The following NAA11 variants were observed in gnomAD, a reference collection of about 807,000 sequenced individuals.
NAA11 encodes N-alpha-acetyltransferase 11, NatA catalytic subunit, also known as N-alpha-acetyltransferase 11.
NAA11 carries 15 observed loss-of-function variants against 16.1 expected under a neutral mutation model. That is an observed-to-expected ratio of 0.93 (90% CI 0.62 to 1.44). NAA11 has a LOEUF of 1.44. Ranked by LOEUF, NAA11 falls within the 40% of genes most tolerant of loss-of-function variation. The pLI is 0.00. For synonymous variants in NAA11, 122 were observed against 112.4 expected (o/e 1.09, Z -0.54); for missense variants, 298 against 291.3 (o/e 1.02, Z -0.17).
At chr4:79,256,651 A>ATATATAAATATATATATATATATAT (rs1722113513) in intron 2 of NAA11, among the ~76,000 whole-genome samples, 3 of 130,746 alleles carry the variant, frequency 2.3e-5, no homozygotes, top group African/African-American at 9.2e-5. Flanking sequence ...TATAAATATA[A>ATATATAAATATATATATATATATAT]ATATATATAT....
chr4:79,156,327 G>GTA, the NAA11 span, among the ~76,000 whole-genome samples: 10,409 of 60,178 alleles, frequency 0.17, 1,210 homozygotes, highest in African/African-American at 0.37. Context: ...GTGTGTGTGT[G>GTA]TGTATATATA....
the NAA11 span, among the ~76,000 whole-genome samples, chr4:79,160,547 A>G: frequency 1.3e-5 from 2 of 152,330 alleles, no homozygotes; most frequent in African/African-American, 4.8e-5. Context: ...TATTACAGCA[A>G]TGACTGTAGA....
rs138109881 is a variant in NAA11 at position 79,264,693 on chromosome 4, T to G, written c.*122+29312A>C. 8.8e-3 allele frequency among the ~76,000 whole-genome samples: 1,343 copies of G among 152,298 alleles called. 12 individuals are homozygous for G. Among genetic ancestry groups the G allele is most frequent in the Middle Eastern group, 0.037 (11 of 294 alleles). ...ACACTGCCTGTGTTTGCTGGGGCAG[T>G]GCTCTTTTTTTGTTTTCCTTGCCAC... is the stretch of plus-strand genomic sequence containing the variant. On this transcript the variant is annotated intron_variant and NMD_transcript_variant, in intron 2 of 2. Transcript: ENST00000511542.
chr4:79,198,532 G>T, the NAA11 span, among the ~76,000 whole-genome samples: 1 of 151,828 alleles, frequency 6.6e-6, no homozygotes, highest in Non-Finnish European at 1.5e-5. Flanking sequence ...GTGTTTTGGT[G>T]TTTTCTGAGG....
the NAA11 span, among the ~76,000 whole-genome samples, chr4:79,179,898 G>A: frequency 8.5e-5 from 13 of 152,272 alleles, no homozygotes; most frequent in Admixed American, 2.6e-4. Flanking sequence ...CAATCATAGC[G>A]GAAGGCACAG....
intron 1 of NAA11, among the ~76,000 whole-genome samples, chr4:79,303,444 C>A (rs1443276434): frequency 6.6e-6 from 1 of 151,992 alleles, no homozygotes; most frequent in Non-Finnish European, 1.5e-5. Context: ...CGCATCATTA[C>A]ACCCGCTCTT....
chr4:79,305,254 T>A (rs993647347), intron 1 of NAA11: 1 of 152,218 alleles, frequency 6.6e-6, no homozygotes, highest in Non-Finnish European at 1.5e-5. Context: ...AAAGTGGTGA[T>A]TAATAACTAA....
chr4:79,265,823 C>T (rs1357383219), intron 2 of NAA11, among the ~76,000 whole-genome samples: 3 of 151,992 alleles, frequency 2.0e-5, no homozygotes, highest in African/African-American at 7.3e-5. Flanking sequence ...TGCTTTGCTG[C>T]CCAGGCTGGT....
chr4:79,290,960 A>G (rs1272119981), intron 2 of NAA11, among the ~76,000 whole-genome samples: 1 of 152,208 alleles, frequency 6.6e-6, no homozygotes, highest in Non-Finnish European at 1.5e-5. Context: ...TGGAAGTACA[A>G]GAATACTGAC....
Position 79,300,968 on chromosome 4 carries a change from T to C in NAA11, c.*13-6854A>G, listed in dbSNP as rs144947176. ...CATGACTTTGCAGTAAGAATGTCCT[T>C]ATATTACAGTGGTTAAGCATGTGAG... is the stretch of plus-strand genomic sequence containing the variant. On this transcript the variant is annotated intron_variant and NMD_transcript_variant, in intron 1 of 2. Transcript: ENST00000511542. Among the ~76,000 whole-genome samples, 353 of 152,310 alleles carry C rather than the reference T, an allele frequency of 2.3e-3. 1 individual carries two copies. Among genetic ancestry groups the C allele is most frequent in the African/African-American group, 7.7e-3 (321 of 41,568 alleles).
chr4:79,313,586 AAG>A (rs759384948), downstream of NAA11, among the ~76,000 whole-genome samples: 3 of 152,280 alleles, frequency 2.0e-5, no homozygotes, highest in East Asian at 3.9e-4. Flanking sequence ...TTAAAATGAA[AAG>A]AGTTTTTTTC....
the NAA11 span, among the ~76,000 whole-genome samples, chr4:79,175,204 G>C: frequency 6.6e-6 from 1 of 152,146 alleles, no homozygotes; most frequent in Non-Finnish European, 1.5e-5. Flanking sequence ...CATGGTCATT[G>C]TAAGTACCTT....
the NAA11 span, among the ~76,000 whole-genome samples, chr4:79,164,507 G>A: frequency 6.6e-6 from 1 of 152,004 alleles, no homozygotes; most frequent in Non-Finnish European, 1.5e-5. Flanking sequence ...CAGAAAATAC[G>A]CTTGATGAGA....
downstream of NAA11, among the ~76,000 whole-genome samples, chr4:79,222,107 A>G (rs1179687910): frequency 1.3e-5 from 2 of 150,718 alleles, no homozygotes; most frequent in Non-Finnish European, 3.0e-5. Flanking sequence ...GTCTTGGGAG[A>G]GTGTATGTGT....
the NAA11 span, among the ~76,000 whole-genome samples, chr4:79,162,599 A>C: frequency 1.3e-5 from 2 of 152,232 alleles, no homozygotes; most frequent in Non-Finnish European, 2.9e-5. Flanking sequence ...CCATGATTAT[A>C]ACTAATCCTT....
At chr4:79,227,797 C>T (rs936472150) in intron 2 of NAA11, 3 of 151,992 alleles carry the variant, frequency 2.0e-5, no homozygotes, top group African/African-American at 7.2e-5. Context: ...CTGACTCACA[C>T]TGATCTTGTT....
chr4:79,206,488 A>G, the NAA11 span, among the ~76,000 whole-genome samples: 1 of 152,104 alleles, frequency 6.6e-6, no homozygotes, highest in Non-Finnish European at 1.5e-5. Flanking sequence ...AAATCAATGT[A>G]CTTTATGTTC....
the NAA11 span, among the ~76,000 whole-genome samples, chr4:79,189,281 A>C: frequency 4.6e-5 from 7 of 152,114 alleles, no homozygotes; most frequent in Non-Finnish European, 8.8e-5. Flanking sequence ...AGCAGAAATC[A>C]AGCTAACGGA....
At chr4:79,194,933 G>C in the NAA11 span, among the ~76,000 whole-genome samples, 3 of 152,048 alleles carry the variant, frequency 2.0e-5, no homozygotes, top group Non-Finnish European at 4.4e-5. Flanking sequence ...CAGATGGTTT[G>C]TCTCAAGAAT....
Sources: gnomAD v4.1 joint callset for allele counts (sites outside exome capture counted in the v4.1 genomes callset) on GRCh38, gnomAD v4.1.1 for gene constraint, MANE v1.5 for transcripts, NCBI Gene and HGNC (gene_info 2026-07-23, HGNC 2026-07-21) for gene names.